P4HA2: variants seen among roughly 807,000 people sequenced by gnomAD.
P4HA2 encodes prolyl 4-hydroxylase subunit alpha-2.
In P4HA2, 46 loss-of-function variants were observed where a neutral mutation model predicts 76.9. The observed-to-expected ratio is 0.60, with a 90% CI of 0.47 to 0.76. The LOEUF is 0.76. Among genes scored for constraint, P4HA2 ranks in the 30% least tolerant of loss-of-function variants. P4HA2 has a pLI of 0.00. For missense variants in P4HA2, 583 were observed against 669.4 expected, an observed-to-expected ratio of 0.87 and a Z score of 1.42; for synonymous variants, 243 against 254.0, an observed-to-expected ratio of 0.96 and a Z score of 0.41.
intron 10 of P4HA2, chr5:132,202,725 T>G (rs1751682268): frequency 6.6e-6 from 1 of 152,238 alleles, no homozygotes; most frequent in African/African-American, 2.4e-5. Flanking sequence ...CCCAAAACCT[T>G]TCAGCAGGGT....
chr5:132,224,932 G>A (rs1182812914), intron 1 of P4HA2, among the ~76,000 whole-genome samples: 1 of 151,724 alleles, frequency 6.6e-6, no homozygotes, highest in Non-Finnish European at 1.5e-5. Context: ...CATCTGAGCT[G>A]GAGAGCACTC....
At chr5:132,206,947 T>C (rs1420993957) in intron 8 of P4HA2, among the ~76,000 whole-genome samples, 1 of 152,234 alleles carries the variant, frequency 6.6e-6, no homozygotes, top group African/African-American at 2.4e-5. Context: ...TGAGTTTGCT[T>C]TTTCATAGGT....
chr5:132,192,464 G>A lies in P4HA2; in HGVS notation c.*546C>T, dbSNP rs566428597. 6.5e-6 allele frequency: 1 copy of A among 152,838 alleles called. No individual in the cohort carries two copies. Among genetic ancestry groups the A allele is most frequent in the Admixed American group, 6.5e-5 (1 of 15,318 alleles). The allele number at this position is 152,838 out of a possible 1,614,324, so 9.5% of individuals were successfully genotyped here. On this transcript the variant is annotated 3_prime_UTR_variant, in exon 15 of 15. Transcript: ENST00000360568. ...GACACTTAGAGGGAACACAAGTGTT[G>A]AAACCAGGTCTGAAATCCAAGACCC... is the stretch of plus-strand genomic sequence containing the variant.
rs774659738 is a variant in P4HA2 at position 132,198,350 on chromosome 5, CCT to C, written c.1334_1335del (p.Glu445GlyfsTer3). The C allele has an allele frequency of 1.1e-5, 17 of 1,613,888 alleles. No individual in the cohort carries two copies. In the African/African-American group the frequency reaches 2.1e-4, roughly 20 times the overall value. ...TTAAGAAACGTCGCTAACCTATTCC[CCT>C]CTGTTTTGAGGCCGCTGTCAAAAGG... Reference protein sequence around the residue: ...RRPFDSGLKTEGNRLATFLNY... With the variant: ...RRPFDSGLKTXGNRLATFLNY... On this transcript the variant is annotated frameshift_variant, in exon 12 of 15. Coordinates refer to ENST00000360568, the MANE Select transcript of P4HA2 (RefSeq NM_001017974.2). LOFTEE classifies it high-confidence loss of function.
At chr5:132,207,578 C>T in intron 8 of P4HA2, 130 bp downstream of exon 8, 2 of 696,422 alleles carry the variant, frequency 2.9e-6, no homozygotes, top group Non-Finnish European at 4.9e-6. Flanking sequence ...CTCTGTATCC[C>T]CACGGTAGGC....
intron 1 of P4HA2, 73 bp from the exon 2 acceptor site, chr5:132,218,717 G>A: frequency 1.2e-6 from 1 of 855,288 alleles, no homozygotes; most frequent in Non-Finnish European, 2.0e-6. Flanking sequence ...AGACACATAG[G>A]CATGTACACA....
At chr5:132,222,587 T>C (rs1278966203) in intron 1 of P4HA2, among the ~76,000 whole-genome samples, 1 of 152,216 alleles carries the variant, frequency 6.6e-6, no homozygotes, top group Non-Finnish European at 1.5e-5. Context: ...GTTCAAACTC[T>C]TTAGCCCAAA....
chr5:132,202,093 T>C (rs1751578727), intron 10 of P4HA2: 1 of 152,190 alleles, frequency 6.6e-6, no homozygotes, highest in African/African-American at 2.4e-5. Context: ...CCTATCACTC[T>C]TGAAATGGTG....
chr5:132,208,003 C>T lies in P4HA2; in HGVS notation c.904-119G>A, dbSNP rs984135374. 19 of 741,364 alleles carry T rather than the reference C, an allele frequency of 2.6e-5. No individual in the cohort carries two copies. In the East Asian group the frequency reaches 5.3e-4, roughly 21 times the overall value. The allele number at this position is 741,364 out of a possible 1,614,324, so 45.9% of individuals were successfully genotyped here. A position where few individuals can be genotyped will look rare whatever the true frequency, so the allele number is the denominator to read the frequency against. ...CAGCAGCTGCTCCCTCCCACCACAC[C>T]ACAGAAGAAAACAAAAGTCCCAGCA... On this transcript the variant is annotated intron_variant, in intron 7 of 14. Coordinates refer to ENST00000360568, the MANE Select transcript of P4HA2 (RefSeq NM_001017974.2).
intron 14 of P4HA2, among the ~76,000 whole-genome samples, chr5:132,193,862 C>A (rs1258011765): frequency 6.6e-6 from 1 of 152,118 alleles, no homozygotes; most frequent in African/African-American, 2.4e-5. Flanking sequence ...AGTCACAGAG[C>A]TTTTAAAATA....
At chr5:132,221,756 T>C (rs1267926688) in intron 1 of P4HA2, among the ~76,000 whole-genome samples, 1 of 152,252 alleles carries the variant, frequency 6.6e-6, no homozygotes, top group Non-Finnish European at 1.5e-5. Flanking sequence ...ATGCTTAAAA[T>C]GTAAAGAAAA....
At chr5:132,193,318 C>A (rs1750128738) in intron 14 of P4HA2, 137 of 411,608 alleles carry the variant, frequency 3.3e-4, no homozygotes, top group South Asian at 2.0e-3. Context: ...ATGGGAATAG[C>A]ACCCAAGGGC....
At chr5:132,221,595 A>G (rs1754655513) in intron 1 of P4HA2, among the ~76,000 whole-genome samples, 1 of 152,206 alleles carries the variant, frequency 6.6e-6, no homozygotes, top group Non-Finnish European at 1.5e-5. Flanking sequence ...TTGTAAGGAA[A>G]AATTAATGTA....
chr5:132,225,151 AG>A (rs1339758189), intron 1 of P4HA2, among the ~76,000 whole-genome samples: 1 of 152,036 alleles, frequency 6.6e-6, no homozygotes, highest in Non-Finnish European at 1.5e-5. Flanking sequence ...GCTCTAGGAC[AG>A]GCTGATGTCT....
intron 11 of P4HA2, among the ~76,000 whole-genome samples, chr5:132,198,647 G>A (rs369329906): frequency 3.3e-5 from 5 of 152,194 alleles, no homozygotes; most frequent in Non-Finnish European, 7.3e-5. Context: ...GGCAGGGGAC[G>A]AACGCCCCAC....
chr5:132,207,485 T>C (rs1016192736), intron 8 of P4HA2, among the ~76,000 whole-genome samples: 2 of 152,180 alleles, frequency 1.3e-5, no homozygotes, highest in East Asian at 1.9e-4. Context: ...CCTTCTATGA[T>C]AGCACTTGGC....
In P4HA2 at chr5:132,204,088, G is replaced by A; in HGVS notation, c.1145C>T (p.Ser382Phe). 1 of 1,613,558 alleles carries A rather than the reference G, an allele frequency of 6.2e-7. No individual in the cohort carries two copies. Among genetic ancestry groups the A allele is most frequent in the South Asian group, 1.1e-5 (1 of 91,076 alleles). ...GVLTVASYRV[S>F]KSSWLEEDDD... ...ACCCCTGCTCTTTGCTTACCTTTTGGAAACCCGGTAGCTGGCGACAGTGAG... is the reference window on the plus strand; with the variant it reads ...ACCCCTGCTCTTTGCTTACCTTTTGAAAACCCGGTAGCTGGCGACAGTGAG... The change falls in exon 9 of 15, where the codon TCC becomes TTC. Residue 382 changes from serine (S) to phenylalanine (F), a missense_variant. Ser to Phe is a radical substitution (Grantham distance 155). Coordinates refer to ENST00000360568, the MANE Select transcript of P4HA2 (RefSeq NM_001017974.2).
At chr5:132,194,870 T>G (rs1750385711) in intron 14 of P4HA2, 56 bp downstream of exon 14, 1 of 1,228,518 alleles carries the variant, frequency 8.1e-7, no homozygotes, top group Admixed American at 1.7e-5. Context: ...CTAAGGCCAA[T>G]AAGCAAAGCC....
Position 132,195,406 on chromosome 5 carries a change from A to G in P4HA2, c.1434+6T>C, listed in dbSNP as rs191396693. ...CAACCTCTGACCCACAAGAATCAGA[A>G]CTTACCTTCTTAGGCCAAATTGCAG... is the stretch of plus-strand genomic sequence containing the variant. On this transcript the variant is annotated splice_donor_region_variant and intron_variant, in intron 13 of 14. Transcript: ENST00000360568. The G allele has an allele frequency of 6.2e-7, 1 of 1,605,480 alleles. No individual in the cohort carries two copies. Among genetic ancestry groups the G allele is most frequent in the African/African-American group, 1.3e-5 (1 of 74,878 alleles).
Sources: allele counts gnomAD v4.1 joint callset (sites outside exome capture counted in the v4.1 genomes callset), GRCh38; gene constraint gnomAD v4.1.1; transcripts MANE v1.5; gene names NCBI Gene and HGNC (gene_info 2026-07-23, HGNC 2026-07-21).